Variants in PDXP observed in about 807,000 individuals in gnomAD.
PDXP encodes pyridoxal phosphatase.
PDXP carries 15 observed loss-of-function variants against 14.4 expected under a neutral mutation model. That is an observed-to-expected ratio of 1.04 (90% CI 0.70 to 1.60). PDXP has a LOEUF of 1.60. PDXP is among the 40% of genes most tolerant of loss of function. The pLI is 0.00. For synonymous variants in PDXP, 233 were observed against 205.6 expected (o/e 1.13, Z -1.14); for missense variants, 413 against 427.6 (o/e 0.97, Z 0.30).
intron 1 of PDXP, among the ~76,000 whole-genome samples, chr22:37,661,232 C>T (rs1052400878): frequency 6.6e-6 from 1 of 152,154 alleles, no homozygotes; most frequent in African/African-American, 2.4e-5. Flanking sequence ...TGTGCCCACC[C>T]ATCCTGCTGT....
intron 1 of PDXP, among the ~76,000 whole-genome samples, chr22:37,660,903 C>T (rs1933189851): frequency 6.6e-6 from 1 of 152,164 alleles, no homozygotes; most frequent in Non-Finnish European, 1.5e-5. Context: ...TTCTGTAGTC[C>T]TTGGCCTCTC....
chr22:37,665,537 G>C lies in PDXP; in HGVS notation c.575-18G>C. 1 of 1,581,960 alleles carries C rather than the reference G, an allele frequency of 6.3e-7. No homozygotes were observed. Among genetic ancestry groups the C allele is most frequent in the South Asian group, 1.1e-5 (1 of 88,336 alleles). Reference sequence around the variant, plus strand: ...TCCCTGCCGCCCTCCTGCTGACTGCGTCTCCATCTCCCTACAGGCACCGGG... The same window carrying C: ...TCCCTGCCGCCCTCCTGCTGACTGCCTCTCCATCTCCCTACAGGCACCGGG... On this transcript the variant is annotated intron_variant, in intron 1 of 1. Transcript: ENST00000215904.
chr22:37,662,016 A>G (rs1008532800), intron 1 of PDXP, among the ~76,000 whole-genome samples: 2 of 132,240 alleles, frequency 1.5e-5, no homozygotes, highest in African/African-American at 3.0e-5. Context: ...ATGTTGGCTC[A>G]CTGCAACCTC....
chr22:37,663,291 G>A (rs1228319257), intron 1 of PDXP, among the ~76,000 whole-genome samples: 4 of 137,688 alleles, frequency 2.9e-5, no homozygotes, highest in Admixed American at 7.3e-5. Flanking sequence ...GCAACAGAGC[G>A]AGACTCCGTC....
intron 1 of PDXP, among the ~76,000 whole-genome samples, chr22:37,661,331 A>G (rs9622678): frequency 0.35 from 33,001 of 93,542 alleles, 6,584 homozygotes; most frequent in African/African-American, 0.59. Context: ...GCTTTCAAAC[A>G]GTGTGGTGTG....
intron 1 of PDXP, 147 bp from the exon 2 acceptor site, chr22:37,665,408 A>T: frequency 1.6e-6 from 1 of 641,394 alleles, no homozygotes; most frequent in Non-Finnish European, 2.7e-6. Context: ...ACCCTTAACC[A>T]CTACAGTGAG....
chr22:37,665,996 G>C lies in PDXP; in HGVS notation c.*125G>C. ...TGGTCCAGTTCTGCACCGGGGTGGG[G>C]CTGGGACCCGGGGAAGGTTTGAGGG... On this transcript the variant is annotated 3_prime_UTR_variant, in exon 2 of 2. Coordinates refer to ENST00000215904, the MANE Select transcript of PDXP (RefSeq NM_020315.5). 1.9e-6 allele frequency: 2 copies of C among 1,045,558 alleles called. No homozygotes were observed. Among genetic ancestry groups the C allele is most frequent in the Non-Finnish European group, 2.8e-6 (2 of 722,370 alleles). 64.8% of individuals were successfully genotyped at this position (1,045,558 alleles called of 1,614,324 possible). A position where few individuals can be genotyped will look rare whatever the true frequency, so the allele number is the denominator to read the frequency against.
chr22:37,666,058 T>C lies in PDXP; in HGVS notation c.*187T>C, dbSNP rs1921072070. On this transcript the variant is annotated 3_prime_UTR_variant, in exon 2 of 2. Transcript: ENST00000215904. ...CCCTCCCAGCAGTGGCTGGGCACTC[T>C]TTGCTGCCCCAGAAGCTGGTCCCCT... The C allele has an allele frequency of 1.6e-6, 1 of 637,176 alleles. No homozygotes were observed. Among genetic ancestry groups the C allele is most frequent in the Non-Finnish European group, 2.8e-6 (1 of 357,876 alleles). The allele number at this position is 637,176 out of a possible 1,614,324, so 39.5% of individuals were successfully genotyped here.
intron 1 of PDXP, among the ~76,000 whole-genome samples, chr22:37,662,079 T>A (rs62236662): frequency 0.016 from 2,456 of 151,654 alleles, 37 homozygotes; most frequent in Non-Finnish European, 0.027. Context: ...GTAGCTGGGA[T>A]TACAGGTACC....
At chr22:37,663,766 C>T (rs1039166771) in intron 1 of PDXP, among the ~76,000 whole-genome samples, 1 of 152,052 alleles carries the variant, frequency 6.6e-6, no homozygotes, top group Non-Finnish European at 1.5e-5. Context: ...GGGCCAAATT[C>T]GCAAGATGAC....
At chr22:37,664,188 C>A (rs575025442) in intron 1 of PDXP, among the ~76,000 whole-genome samples, 1 of 151,952 alleles carries the variant, frequency 6.6e-6, no homozygotes, top group Non-Finnish European at 1.5e-5. Flanking sequence ...GCTTCAGACT[C>A]CCAAAGTCCT....
intron 1 of PDXP, among the ~76,000 whole-genome samples, chr22:37,661,482 C>T (rs1022871322): frequency 3.3e-5 from 5 of 152,184 alleles, no homozygotes; most frequent in African/African-American, 1.2e-4. Flanking sequence ...GTGTGTTTAT[C>T]TTGTCACCAC....
chr22:37,665,139 C>T (rs1284830625), intron 1 of PDXP: 8 of 212,902 alleles, frequency 3.8e-5, no homozygotes, highest in South Asian at 2.0e-4. Flanking sequence ...CTCAGGAGTC[C>T]GGAGAAACTT....
chr22:37,660,475 C>T (rs977340969), intron 1 of PDXP, among the ~76,000 whole-genome samples: 3 of 152,212 alleles, frequency 2.0e-5, no homozygotes, highest in Non-Finnish European at 4.4e-5. Context: ...CACCGACCTC[C>T]AGGGCAGTCT....
At chr22:37,662,518 G>A (rs969396421) in intron 1 of PDXP, among the ~76,000 whole-genome samples, 1 of 152,160 alleles carries the variant, frequency 6.6e-6, no homozygotes, top group South Asian at 2.1e-4. Context: ...AGCTACCAAC[G>A]TGCAGTCAGT....
At chr22:37,662,785 C>T (rs1267531138) in intron 1 of PDXP, among the ~76,000 whole-genome samples, 6 of 151,062 alleles carry the variant, frequency 4.0e-5, no homozygotes, top group Admixed American at 6.6e-5. Context: ...GTCAGGAGTT[C>T]GAGACCACCC....
intron 1 of PDXP, among the ~76,000 whole-genome samples, chr22:37,661,524 G>T (rs961079527): frequency 1.3e-5 from 2 of 152,128 alleles, no homozygotes; most frequent in African/African-American, 4.8e-5. Context: ...AAATAGAAAG[G>T]CCTGCTGTCT....
intron 1 of PDXP, among the ~76,000 whole-genome samples, chr22:37,660,874 A>G (rs1933189295): frequency 6.6e-6 from 1 of 152,120 alleles, no homozygotes; most frequent in South Asian, 2.1e-4. Flanking sequence ...ACCCAGTGTT[A>G]TGGCATGGCA....
rs766928335 is a variant in PDXP at position 37,659,204 on chromosome 22, C to G, written c.422C>G (p.Pro141Arg). The G allele has an allele frequency of 8.0e-7, 1 of 1,251,926 alleles. No homozygotes were observed. Among genetic ancestry groups the G allele is most frequent in the Non-Finnish European group, 1.0e-6 (1 of 996,806 alleles). 77.6% of individuals were successfully genotyped at this position (1,251,926 alleles called of 1,614,324 possible). The part of the protein sequence containing the change: ...GDPSAGDGAA[P>R]RVRAVLVGYD... ...CCGAGCGCGGGGGACGGCGCGGCCC[C>G]GCGCGTGCGCGCCGTGCTTGTGGGC... Residue 141 changes from proline (P) to arginine (R), a missense_variant, in exon 1 of 2, where the codon CCG becomes CGG. By Grantham distance (103) the Pro-to-Arg change is moderately radical. Coordinates refer to ENST00000215904, the MANE Select transcript of PDXP (RefSeq NM_020315.5).
Sources: allele counts gnomAD v4.1 joint callset (sites outside exome capture counted in the v4.1 genomes callset), GRCh38; gene constraint gnomAD v4.1.1; transcripts MANE v1.5; gene names NCBI Gene and HGNC (gene_info 2026-07-23, HGNC 2026-07-21).